The following MYOM3 variants were observed in gnomAD, a reference collection of about 807,000 sequenced individuals.
MYOM3 encodes myomesin 3.
A neutral mutation model predicts 191.7 loss-of-function variants in MYOM3; 155 were observed. That is an observed-to-expected ratio of 0.81 (90% CI 0.71 to 0.92). The LOEUF (loss-of-function observed/expected upper bound fraction) is 0.92, where lower values mean the gene tolerates loss of function less well. Among genes scored for constraint, MYOM3 ranks in the 40% least tolerant of loss-of-function variants. MYOM3 has a pLI of 0.00. For synonymous variants in MYOM3, 757 were observed against 762.9 expected (o/e 0.99, Z 0.13); for missense variants, 1,889 against 1,890.6 (o/e 1.00, Z 0.02).
intron 8 of MYOM3, 99 bp from the exon 9 acceptor site, chr1:24,095,089 G>C: frequency 2.3e-6 from 3 of 1,315,788 alleles, no homozygotes; most frequent in Non-Finnish European, 3.1e-6. Flanking sequence ...CTTCTCTTCT[G>C]GGTCTTGACT....
In MYOM3 at chr1:24,076,147, G is replaced by C. The variant is rs748959845; in HGVS notation, c.2701+12C>G. On this transcript the variant is annotated intron_variant, in intron 21 of 36. Coordinates refer to ENST00000374434, the MANE Select transcript of MYOM3 (RefSeq NM_152372.4). ...CCAGTGGCAGAGCTCTGGCCTCTCCGGCCACCCCTACCTGGCTTGTCCTCC... is the reference window on the plus strand; with the variant it reads ...CCAGTGGCAGAGCTCTGGCCTCTCCCGCCACCCCTACCTGGCTTGTCCTCC... 1.6e-4 allele frequency: 264 copies of C among 1,609,154 alleles called. No individual in the cohort carries two copies. The highest frequency in any genetic ancestry group is 3.5e-4 in the Admixed American group (21 of 59,992).
In MYOM3 at chr1:24,064,111, G is replaced by A. The variant is rs1298452784; in HGVS notation, c.3583C>T (p.Arg1195Ter). 5.0e-6 allele frequency: 8 copies of A among 1,613,990 alleles called. No homozygotes were observed. The highest frequency in any genetic ancestry group is 1.3e-5 in the African/African-American group (1 of 75,012). ...TCCAATATGGTGTCGTCCTCCCCTC[G>A]ATCGTCAGAAACCATCGCTCTGTAA... is the stretch of plus-strand genomic sequence containing the variant. ...GIYRAMVSDD[R>*]GEDDTILDLT... The change falls in exon 30 of 37, where the codon CGA becomes TGA. Residue 1195 changes from arginine to a stop codon, truncating the protein, a stop_gained. Coordinates refer to ENST00000374434, the MANE Select transcript of MYOM3 (RefSeq NM_152372.4). LOFTEE classifies it high-confidence loss of function.
chr1:24,067,414 C>CTTT (rs1643462813), intron 27 of MYOM3, among the ~76,000 whole-genome samples: 1 of 103,902 alleles, frequency 9.6e-6, no homozygotes, highest in Non-Finnish European at 1.9e-5. Context: ...TTCCTTCCTT[C>CTTT]CTTCCTTCCT....
chr1:24,057,230 T>A lies in MYOM3; in HGVS notation c.*134A>T. ...TGGTGCATCCGCTCCACCCCCACCCTCACATCCTGGGTTCTATCTTGTCCC... is the reference window on the plus strand; with the variant it reads ...TGGTGCATCCGCTCCACCCCCACCCACACATCCTGGGTTCTATCTTGTCCC... On this transcript the variant is annotated 3_prime_UTR_variant, in exon 37 of 37. Transcript: ENST00000374434. 17 of 834,586 alleles carry A rather than the reference T, an allele frequency of 2.0e-5. No homozygotes were observed. The highest frequency in any genetic ancestry group is 2.7e-5 in the Non-Finnish European group (15 of 547,592). 51.7% of individuals were successfully genotyped at this position (834,586 alleles called of 1,614,324 possible).
chr1:24,088,665 C>T (rs1485942463), intron 14 of MYOM3, among the ~76,000 whole-genome samples: 1 of 152,172 alleles, frequency 6.6e-6, no homozygotes, highest in Non-Finnish European at 1.5e-5. Context: ...AGAGATTCCT[C>T]CCTGGAAATT....
At chr1:24,107,015 G>A (rs981386442) in intron 4 of MYOM3, 58 bp downstream of exon 4, 2 of 1,497,866 alleles carry the variant, frequency 1.3e-6, no homozygotes, top group African/African-American at 1.4e-5. Flanking sequence ...GGTGAGGATG[G>A]CAGCAAGTGG....
intron 3 of MYOM3, among the ~76,000 whole-genome samples, chr1:24,107,597 C>G (rs1209999906): frequency 6.6e-6 from 1 of 152,192 alleles, no homozygotes; most frequent in Non-Finnish European, 1.5e-5. Context: ...GGGCCCTGCC[C>G]CAAGCCGAAC....
At chr1:24,089,402 A>T in intron 14 of MYOM3, 136 bp downstream of exon 14, 1 of 1,186,384 alleles carries the variant, frequency 8.4e-7, no homozygotes, top group Non-Finnish European at 1.1e-6. Context: ...GCCTCTGTGT[A>T]GGGCCATGCC....
At chr1:24,062,521 C>T (rs1461667944) in intron 32 of MYOM3, among the ~76,000 whole-genome samples, 2 of 152,106 alleles carry the variant, frequency 1.3e-5, no homozygotes, top group Non-Finnish European at 2.9e-5. Flanking sequence ...AATGTCTGCT[C>T]CACAAGGCTG....
intron 11 of MYOM3, among the ~76,000 whole-genome samples, chr1:24,091,264 C>G (rs759459219): frequency 6.6e-6 from 1 of 152,180 alleles, no homozygotes; most frequent in Non-Finnish European, 1.5e-5. Flanking sequence ...ACCCAGCCCT[C>G]GTTTTATCTC....
In MYOM3 at chr1:24,057,602, G is replaced by A. The variant is rs200340634; in HGVS notation, c.4076C>T (p.Ser1359Leu). Residue 1359 changes from serine (S) to leucine (L), a missense_variant, in exon 37 of 37, where the codon TCA becomes TTA. Physicochemically the swap from Ser to Leu is moderately radical, Grantham distance 145. Coordinates refer to ENST00000374434, the MANE Select transcript of MYOM3 (RefSeq NM_152372.4). ...DKTLCLTCIV[S>L]GDPTPEISWL... The stretch of plus-strand genomic sequence containing the variant: ...AGAGATTTCAGGGGTGGGGTCTCCT[G>A]AGACGATGCAAGTCAAGCACAGGGT... 4.5e-5 allele frequency: 72 copies of A among 1,614,028 alleles called. 1 individual carries two copies. Among genetic ancestry groups the A allele is most frequent in the South Asian group, 1.1e-5 (1 of 91,086 alleles).
intron 25 of MYOM3, 61 bp downstream of exon 25, chr1:24,071,056 C>T (rs1643524821): frequency 6.3e-7 from 1 of 1,580,380 alleles, no homozygotes; most frequent in Non-Finnish European, 8.6e-7. Flanking sequence ...GAATCACCAT[C>T]CCGCGAGGCC....
At chr1:24,071,920 G>A in intron 24 of MYOM3, 49 bp downstream of exon 24, 1 of 1,589,078 alleles carries the variant, frequency 6.3e-7, no homozygotes, top group Non-Finnish European at 8.6e-7. Context: ...ACATGCCAAT[G>A]GGCCCAGTGG....
intron 9 of MYOM3, 102 bp from the exon 10 acceptor site, chr1:24,093,210 G>C (rs901590672): frequency 1.3e-6 from 1 of 758,274 alleles, no homozygotes; most frequent in Non-Finnish European, 2.2e-6. Context: ...TGGGCAGAGA[G>C]AGAGGCTGGT....
At chr1:24,100,070 T>A (rs935480032) in intron 5 of MYOM3, among the ~76,000 whole-genome samples, 1 of 152,134 alleles carries the variant, frequency 6.6e-6, no homozygotes, top group Non-Finnish European at 1.5e-5. Context: ...AGTTTCCCCA[T>A]GTTGGCTAGG....
At chr1:24,072,106 C>T in intron 23 of MYOM3, 93 bp from the exon 24 acceptor site, 2 of 1,312,286 alleles carry the variant, frequency 1.5e-6, no homozygotes, top group East Asian at 4.6e-5. Context: ...GGATCCTGTG[C>T]TGGGTCAAAA....
chr1:24,073,577 A>T (rs1413467774), intron 23 of MYOM3, among the ~76,000 whole-genome samples: 3 of 152,074 alleles, frequency 2.0e-5, no homozygotes, highest in Non-Finnish European at 4.4e-5. Flanking sequence ...TAAAAGTGGG[A>T]AAACAGGCTG....
rs1570890508 is a variant in MYOM3, at chr1:24,107,370, T to G, written c.243-138A>C. On this transcript the variant is annotated intron_variant, in intron 3 of 36. Transcript: ENST00000374434. ...GACATGCATGATTTTGCATCTTCCCTTGCCTCCAAAACAGCCTGGAAGGGC... is the reference window on the plus strand; with the variant it reads ...GACATGCATGATTTTGCATCTTCCCGTGCCTCCAAAACAGCCTGGAAGGGC... The G allele has an allele frequency of 5.3e-6, 4 of 749,878 alleles. No individual in the cohort carries two copies. The East Asian group carries it at 1.2e-4, about 22-fold the overall frequency. The allele number at this position is 749,878 out of a possible 1,614,324, so 46.5% of individuals were successfully genotyped here. A position where few individuals can be genotyped will look rare whatever the true frequency, so the allele number is the denominator to read the frequency against.
intron 19 of MYOM3, among the ~76,000 whole-genome samples, 174 bp from the exon 20 acceptor site, chr1:24,080,368 C>T (rs970491677): frequency 5.3e-5 from 8 of 152,218 alleles, no homozygotes; most frequent in Non-Finnish European, 7.3e-5. Context: ...GGCTTCATGA[C>T]AAAGCCTGGC....
Sources: allele counts gnomAD v4.1 joint callset (sites outside exome capture counted in the v4.1 genomes callset), GRCh38; gene constraint gnomAD v4.1.1; transcripts MANE v1.5; gene names NCBI Gene and HGNC (gene_info 2026-07-23, HGNC 2026-07-21).